Variants in RPH3A observed in about 807,000 individuals in gnomAD.
RPH3A encodes the protein rabphilin-3A.
A neutral mutation model predicts 102.2 loss-of-function variants in RPH3A; 48 were observed. The observed-to-expected ratio is 0.47, with a 90% CI of 0.37 to 0.60. The LOEUF (loss-of-function observed/expected upper bound fraction) is 0.60, where lower values mean the gene tolerates loss of function less well. Ranked by LOEUF, RPH3A falls within the 20% of genes least tolerant of loss-of-function variation. The probability of loss-of-function intolerance (pLI) is 0.00; values close to 1 mark genes in which losing one functional copy is unlikely to be tolerated. For missense variants in RPH3A, 781 were observed against 910.1 expected, an observed-to-expected ratio of 0.86 and a Z score of 1.83; for synonymous variants, 310 against 324.3, an observed-to-expected ratio of 0.96 and a Z score of 0.47.
intron 1 of RPH3A, among the ~76,000 whole-genome samples, chr12:112,740,902 G>C (rs1447749592): frequency 1.3e-5 from 2 of 152,104 alleles, no homozygotes; most frequent in Non-Finnish European, 2.9e-5. Flanking sequence ...AATCAAAATG[G>C]TCCAAGCTCC....
intron 3 of RPH3A, among the ~76,000 whole-genome samples, chr12:112,836,109 C>T (rs917481459): frequency 2.6e-5 from 4 of 152,158 alleles, no homozygotes; most frequent in South Asian, 2.1e-4. Flanking sequence ...TGTTCAGGGC[C>T]GATTGCTCTA....
At chr12:112,788,434 G>A (rs979964666), upstream of RPH3A, among the ~76,000 whole-genome samples, 3 of 152,148 alleles carry the variant, frequency 2.0e-5, no homozygotes, top group African/African-American at 7.2e-5. Context: ...AAACTGACAG[G>A]GTCATGAAAA....
intron 1 of RPH3A, among the ~76,000 whole-genome samples, chr12:112,756,644 A>G (rs1387944082): frequency 6.6e-6 from 1 of 152,244 alleles, no homozygotes; most frequent in South Asian, 2.1e-4. Context: ...GGATACACTA[A>G]TCACCTATTC....
chr12:112,768,610 C>T (rs2040907221), intron 1 of RPH3A, among the ~76,000 whole-genome samples: 1 of 152,220 alleles, frequency 6.6e-6, no homozygotes, highest in Admixed American at 6.5e-5. Flanking sequence ...TCCCTGACCA[C>T]TCACTATATT....
intron 16 of RPH3A, among the ~76,000 whole-genome samples, chr12:112,887,218 G>T (rs748404788): frequency 6.6e-6 from 1 of 152,176 alleles, no homozygotes; most frequent in Non-Finnish European, 1.5e-5. Context: ...CCATAGCAGC[G>T]TTATTCATAA....
At chr12:112,837,271 C>T (rs2042068821) in intron 4 of RPH3A, among the ~76,000 whole-genome samples, 1 of 152,172 alleles carries the variant, frequency 6.6e-6, no homozygotes, top group African/African-American at 2.4e-5. Context: ...AATAACCCTG[C>T]CCCTCCCTCC....
At chr12:112,740,677 A>G (rs768768372) in intron 1 of RPH3A, among the ~76,000 whole-genome samples, 10 of 152,232 alleles carry the variant, frequency 6.6e-5, no homozygotes, top group Non-Finnish European at 1.2e-4. Context: ...CCAAATGTCA[A>G]CATATCAAAT....
intron 1 of RPH3A, among the ~76,000 whole-genome samples, chr12:112,593,518 T>C (rs1172343730): frequency 2.0e-5 from 3 of 152,198 alleles, no homozygotes; most frequent in African/African-American, 7.2e-5. Context: ...TGCACATCCA[T>C]GTCTAGAAAA....
chr12:112,802,236 A>G (rs940772566), intron 2 of RPH3A, among the ~76,000 whole-genome samples: 4 of 152,298 alleles, frequency 2.6e-5, no homozygotes, highest in Admixed American at 1.3e-4. Flanking sequence ...CCATGCATGC[A>G]TAGAGGGAGG....
intron 1 of RPH3A, among the ~76,000 whole-genome samples, chr12:112,688,570 A>G (rs1448412589): frequency 1.3e-5 from 2 of 152,224 alleles, no homozygotes; most frequent in East Asian, 3.8e-4. Flanking sequence ...CCATAGGTCT[A>G]TAAGGATATT....
chr12:112,760,963 A>G (rs945768436), intron 1 of RPH3A, among the ~76,000 whole-genome samples: 1 of 152,182 alleles, frequency 6.6e-6, no homozygotes, highest in South Asian at 2.1e-4. Flanking sequence ...GATATGATGA[A>G]CACTGTTTGC....
intron 1 of RPH3A, among the ~76,000 whole-genome samples, chr12:112,617,023 T>C (rs953832875): frequency 4.6e-5 from 7 of 152,150 alleles, no homozygotes; most frequent in African/African-American, 1.7e-4. Context: ...GCTGAGCCAT[T>C]TAAAAAAATA....
At chr12:112,813,763 A>G (rs1050663076) in intron 2 of RPH3A, among the ~76,000 whole-genome samples, 5 of 152,194 alleles carry the variant, frequency 3.3e-5, no homozygotes, top group Non-Finnish European at 7.3e-5. Flanking sequence ...CCCCCACGTA[A>G]CAGTTGAGGG....
In RPH3A at chr12:112,776,342, T is replaced by A. The variant is rs185363146; in HGVS notation, c.-139-15801T>A. 7.2e-5 allele frequency among the ~76,000 whole-genome samples: 11 copies of A among 152,310 alleles called. No individual in the cohort carries two copies. The East Asian group carries it at 2.1e-3, about 29-fold the overall frequency. On this transcript the variant is annotated intron_variant, in intron 1 of 21. Coordinates refer to the RPH3A transcript ENST00000543106. The stretch of plus-strand genomic sequence containing the variant: ...TAGCTTATAACAATAAACACGCTCT[T>A]ATTGCTCACTAGTCTATAGGTTGGC...
intron 1 of RPH3A, among the ~76,000 whole-genome samples, chr12:112,643,645 C>T (rs982134539): frequency 6.6e-6 from 1 of 152,192 alleles, no homozygotes; most frequent in South Asian, 2.1e-4. Flanking sequence ...GCCTGGGTTT[C>T]CCCAGAAGCA....
chr12:112,804,294 A>AGACCACC (rs2041415090), intron 2 of RPH3A, among the ~76,000 whole-genome samples: 2 of 152,182 alleles, frequency 1.3e-5, no homozygotes, highest in Middle Eastern at 3.2e-3. Context: ...AAAAAAGCAG[A>AGACCACC]TGGTGAATTT....
At chr12:112,847,557 C>T in intron 4 of RPH3A, 139 bp from the exon 5 acceptor site, 1 of 895,652 alleles carries the variant, frequency 1.1e-6, no homozygotes, top group Non-Finnish European at 1.8e-6. Flanking sequence ...GTATGTGTGT[C>T]CCATTGCAGA....
intron 6 of RPH3A, among the ~76,000 whole-genome samples, chr12:112,865,972 A>C (rs930495274): frequency 4.6e-5 from 7 of 152,248 alleles, no homozygotes; most frequent in Admixed American, 6.5e-5. Flanking sequence ...TAGAAAGCCA[A>C]GTTAGAATTA....
intron 2 of RPH3A, among the ~76,000 whole-genome samples, chr12:112,797,686 GA>G (rs967273678): frequency 6.7e-5 from 10 of 148,426 alleles, no homozygotes; most frequent in East Asian, 2.0e-4. Context: ...GAGAGTGAAT[GA>G]AAAAAAAAAT....
Sources: gnomAD v4.1 joint callset for allele counts (sites outside exome capture counted in the v4.1 genomes callset) on GRCh38, gnomAD v4.1.1 for gene constraint, MANE v1.5 for transcripts, NCBI Gene and HGNC (gene_info 2026-07-23, HGNC 2026-07-21) for gene names.